Variants in TNPO3 observed in about 807,000 individuals in gnomAD.
TNPO3 encodes transportin 3.
A neutral mutation model predicts 122.8 loss-of-function variants in TNPO3; 65 were observed. The ratio of observed to expected loss-of-function variants is 0.53; its 90% confidence interval spans 0.43 to 0.65. The LOEUF (loss-of-function observed/expected upper bound fraction) is 0.65, where lower values mean the gene tolerates loss of function less well. TNPO3 is among the 30% of genes least tolerant of loss of function. The probability of loss-of-function intolerance (pLI) is 0.00; values close to 1 mark genes in which losing one functional copy is unlikely to be tolerated. For synonymous variants in TNPO3, 372 were observed against 411.2 expected (o/e 0.90, Z 1.15); for missense variants, 850 against 1,136.7 (o/e 0.75, Z 3.63).
intron 8 of TNPO3, among the ~76,000 whole-genome samples, chr7:128,996,376 C>T (rs1801315664): frequency 6.6e-6 from 1 of 151,980 alleles, no homozygotes; most frequent in Non-Finnish European, 1.5e-5. Flanking sequence ...CTTCATGGGG[C>T]AAAATCATAC....
intron 4 of TNPO3, among the ~76,000 whole-genome samples, chr7:129,008,174 G>A (rs554659868): frequency 1.3e-5 from 2 of 151,694 alleles, no homozygotes; most frequent in African/African-American, 2.4e-5. Context: ...AGAATGGCAG[G>A]AAAGGAAAGA....
In TNPO3 at chr7:128,970,148, C is replaced by T. The variant is rs758404751; in HGVS notation, c.2598G>A (p.Pro866=). 5 of 1,614,008 alleles carry T rather than the reference C, an allele frequency of 3.1e-6. No homozygotes were observed. Among genetic ancestry groups the T allele is most frequent in the Admixed American group, 3.3e-5 (2 of 60,010 alleles). The change falls in exon 20 of 23, where the codon CCG becomes CCA. Residue 866 remains proline (P), a splice_region_variant and synonymous_variant. Transcript: ENST00000265388. The part of the protein sequence containing the change: ...VLWEIMQVDR[P]TFCRWLENSL... ...AAATTCCTCATGAAAACAATCTTAC[C>T]GGTCTGTCAACCTGCATGATCTCCC...
Position 128,966,757 on chromosome 7 carries a change from A to C in TNPO3, c.2711+523T>G, listed in dbSNP as rs1052985113. ...CACTTTACATTTTAGGCTGTAATCC[A>C]GAGATTGTAAGTTCCTCATGGGCCT... On this transcript the variant is annotated intron_variant, in intron 21 of 22. Coordinates refer to ENST00000265388, the MANE Select transcript of TNPO3 (RefSeq NM_012470.4). 3.3e-5 allele frequency among the ~76,000 whole-genome samples: 5 copies of C among 152,368 alleles called. No individual in the cohort carries two copies. The East Asian group carries it at 9.6e-4, about 29-fold the overall frequency.
At chr7:128,989,906 GA>G in intron 11 of TNPO3, 54 bp downstream of exon 11, 1 of 1,586,106 alleles carries the variant, frequency 6.3e-7, no homozygotes, top group Non-Finnish European at 8.6e-7. Flanking sequence ...GAGATGAGAA[GA>G]AAAATCAGAA....
intron 1 of TNPO3, among the ~76,000 whole-genome samples, chr7:129,051,492 C>T (rs1446919126): frequency 6.6e-6 from 1 of 151,928 alleles, no homozygotes; most frequent in Non-Finnish European, 1.5e-5. Flanking sequence ...AATGTCACCA[C>T]ACCCAACTAA....
At chr7:129,054,529 C>A in intron 1 of TNPO3, 122 bp downstream of exon 1, 1 of 1,461,628 alleles carries the variant, frequency 6.8e-7, no homozygotes, top group Non-Finnish European at 9.1e-7. Context: ...CACCCCACGA[C>A]AGCAGCTCCT....
intron 12 of TNPO3, among the ~76,000 whole-genome samples, chr7:128,985,973 C>T (rs1800099102): frequency 1.3e-5 from 2 of 152,142 alleles, no homozygotes; most frequent in South Asian, 2.1e-4. Context: ...TTTAATATAC[C>T]TCAATCTCTC....
chr7:129,004,361 C>T (rs1363378188), intron 5 of TNPO3, among the ~76,000 whole-genome samples: 1 of 152,130 alleles, frequency 6.6e-6, no homozygotes, highest in East Asian at 1.9e-4. Flanking sequence ...AATATTTATG[C>T]TTGAGATAAT....
chr7:128,998,863 A>T (rs1054967609), intron 7 of TNPO3, among the ~76,000 whole-genome samples: 11 of 147,880 alleles, frequency 7.4e-5, no homozygotes, highest in African/African-American at 1.7e-4. Flanking sequence ...TTATTTATTT[A>T]TTTTTTTTGA....
intron 21 of TNPO3, among the ~76,000 whole-genome samples, chr7:128,964,786 C>A (rs965706000): frequency 6.6e-6 from 1 of 152,272 alleles, no homozygotes; most frequent in African/African-American, 2.4e-5. Context: ...TTAATAAATT[C>A]TCCTGTATAT....
chr7:128,981,730 C>CTT (rs767733981), intron 14 of TNPO3, among the ~76,000 whole-genome samples: 2 of 138,256 alleles, frequency 1.4e-5, no homozygotes, highest in Non-Finnish European at 1.6e-5. Flanking sequence ...TTTAAAGAGT[C>CTT]TTTTTTTTTT....
chr7:129,030,631 A>C, intron 1 of TNPO3: 1 of 152,108 alleles, frequency 6.6e-6, no homozygotes. Flanking sequence ...AGACTAGGAT[A>C]TGGGTCACAC....
At chr7:128,992,128 GAAA>G (rs1311122120) in intron 9 of TNPO3, 38 bp from the exon 10 acceptor site, 9 of 1,247,040 alleles carry the variant, frequency 7.2e-6, no homozygotes, top group Non-Finnish European at 1.0e-5. Flanking sequence ...CCATTAAAAG[GAAA>G]ACAGAATGCC....
At position 129,050,368 on chromosome 7, in the gene TNPO3, C is replaced by T. The variant is rs548996561; in HGVS notation, c.120+4283G>A. ...CACTGCACTCCAGCCTGGGAGACAG[C>T]GAGACTCTGTCTCAAAAAAAAAAAA... On this transcript the variant is annotated intron_variant, in intron 1 of 22. Coordinates refer to ENST00000265388, the MANE Select transcript of TNPO3 (RefSeq NM_012470.4). Among the ~76,000 whole-genome samples, 4 of 108,868 alleles carry T rather than the reference C, an allele frequency of 3.7e-5. No homozygotes were observed. In the East Asian group the frequency reaches 9.6e-4, roughly 26 times the overall value. The allele number at this position is 108,868 out of a possible 152,430, so 71.4% of individuals were successfully genotyped here.
chr7:128,993,954 T>C, intron 8 of TNPO3, 40 bp from the exon 9 acceptor site: 5 of 1,559,400 alleles, frequency 3.2e-6, no homozygotes, highest in Non-Finnish European at 4.4e-6. Flanking sequence ...TTAAACTCAC[T>C]GCGGCTTTCA....
At chr7:128,985,066 C>T (rs1256497404) in intron 12 of TNPO3, among the ~76,000 whole-genome samples, 2 of 152,118 alleles carry the variant, frequency 1.3e-5, no homozygotes, top group Non-Finnish European at 2.9e-5. Flanking sequence ...TAGCCTAGGT[C>T]CCTTCTAGGT....
intron 13 of TNPO3, among the ~76,000 whole-genome samples, chr7:128,983,089 C>T (rs1799793351): frequency 6.6e-6 from 1 of 152,166 alleles, no homozygotes; most frequent in Non-Finnish European, 1.5e-5. Flanking sequence ...AAAAACGGAG[C>T]TCTCAGCCAT....
intron 4 of TNPO3, among the ~76,000 whole-genome samples, chr7:129,011,194 T>C (rs539902873): frequency 6.6e-6 from 1 of 152,246 alleles, no homozygotes; most frequent in South Asian, 2.1e-4. Context: ...CAGAAAATCA[T>C]AAAGGTAAGA....
chr7:128,994,037 A>T (rs1801034985), intron 8 of TNPO3, 123 bp from the exon 9 acceptor site: 16 of 785,988 alleles, frequency 2.0e-5, no homozygotes, highest in South Asian at 3.7e-5. Context: ...AAGTTGCCTA[A>T]ATCACGAGGG....
Sources: gnomAD v4.1 joint callset for allele counts (sites outside exome capture counted in the v4.1 genomes callset) on GRCh38, gnomAD v4.1.1 for gene constraint, MANE v1.5 for transcripts, NCBI Gene and HGNC (gene_info 2026-07-23, HGNC 2026-07-21) for gene names.